The following PLEKHA5 variants were observed in gnomAD, a reference collection of about 807,000 sequenced individuals.
The protein encoded by PLEKHA5 is pleckstrin homology domain containing A5.
Under a neutral mutation model 181.9 loss-of-function variants are expected in PLEKHA5, and 55 were observed. The ratio of observed to expected loss-of-function variants is 0.30; its 90% confidence interval spans 0.24 to 0.38. PLEKHA5 has a LOEUF of 0.38. PLEKHA5 is among the 10% of genes least tolerant of loss of function. PLEKHA5 has a pLI of 1.00. For missense variants in PLEKHA5, 1,432 were observed against 1,549.5 expected, an observed-to-expected ratio of 0.92 and a Z score of 1.27; for synonymous variants, 535 against 529.4, an observed-to-expected ratio of 1.01 and a Z score of -0.15.
chr12:19,318,562 C>T (rs2089771598), intron 16 of PLEKHA5, among the ~76,000 whole-genome samples: 1 of 152,042 alleles, frequency 6.6e-6, no homozygotes, highest in South Asian at 2.1e-4. Context: ...CTAGATGAAA[C>T]ACTGTCTGCT....
intron 5 of PLEKHA5, 134 bp from the exon 6 acceptor site, chr12:19,257,299 A>G (rs2067134522): frequency 1.9e-6 from 1 of 530,624 alleles, no homozygotes; most frequent in Non-Finnish European, 3.3e-6. Flanking sequence ...TAGAATTTTA[A>G]TAATTTTTCT....
chr12:19,355,587 G>A (rs565809190), intron 26 of PLEKHA5, among the ~76,000 whole-genome samples: 1 of 151,252 alleles, frequency 6.6e-6, no homozygotes, highest in East Asian at 2.0e-4. Flanking sequence ...GTTCTTCAAA[G>A]ATATTAAAGT....
chr12:19,278,303 A>C, intron 11 of PLEKHA5, among the ~76,000 whole-genome samples: 1 of 152,182 alleles, frequency 6.6e-6, no homozygotes, highest in East Asian at 1.9e-4. Context: ...TCTCTACAAC[A>C]GGGTCCAACC....
intron 3 of PLEKHA5, among the ~76,000 whole-genome samples, chr12:19,155,712 T>C (rs1384610766): frequency 6.6e-6 from 1 of 152,232 alleles, no homozygotes; most frequent in Non-Finnish European, 1.5e-5. Context: ...GTGACAAGGT[T>C]CTTACTATAG....
At chr12:19,272,208 C>A (rs1280746973) in intron 10 of PLEKHA5, among the ~76,000 whole-genome samples, 1 of 152,080 alleles carries the variant, frequency 6.6e-6, no homozygotes, top group Non-Finnish European at 1.5e-5. Flanking sequence ...GAATAATTTT[C>A]ATCTCTAAGC....
At chr12:19,329,539 G>A (rs1470234375) in intron 20 of PLEKHA5, among the ~76,000 whole-genome samples, 2 of 152,022 alleles carry the variant, frequency 1.3e-5, no homozygotes, top group Admixed American at 6.6e-5. Context: ...AAGTGTTTCA[G>A]TTTCTTCCTG....
At chr12:19,165,268 A>T in intron 3 of PLEKHA5, among the ~76,000 whole-genome samples, 1 of 152,154 alleles carries the variant, frequency 6.6e-6, no homozygotes, top group Middle Eastern at 3.2e-3. Flanking sequence ...TAGTCTATAA[A>T]TGGCTTTGTA....
chr12:19,352,340 G>A (rs563142294), intron 25 of PLEKHA5, among the ~76,000 whole-genome samples: 2 of 151,020 alleles, frequency 1.3e-5, no homozygotes, highest in South Asian at 2.1e-4. Context: ...AGCCGAGATC[G>A]TGCCATTGTA....
In PLEKHA5 at chr12:19,320,558, A is replaced by T. The variant is rs191000741; in HGVS notation, c.2155-4A>T. On this transcript the variant is annotated splice_region_variant and splice_polypyrimidine_tract_variant and intron_variant, in intron 17 of 31. Coordinates refer to ENST00000429027, the MANE Select transcript of PLEKHA5 (RefSeq NM_001256470.2). ...TAAGTTGCTATATGATTTTTTTCTT[A>T]TAGCTGTCACAAGATGAAGGTAGAG... 1.4e-6 allele frequency: 2 copies of T among 1,445,516 alleles called. No individual in the cohort carries two copies. The highest frequency in any genetic ancestry group is 1.8e-5 in the Admixed American group (1 of 54,758). The allele number at this position is 1,445,516 out of a possible 1,614,324, so 89.5% of individuals were successfully genotyped here. A position where few individuals can be genotyped will look rare whatever the true frequency, so the allele number is the denominator to read the frequency against.
intron 3 of PLEKHA5, among the ~76,000 whole-genome samples, chr12:19,236,768 G>A (rs2061467449): frequency 6.6e-6 from 1 of 152,124 alleles, no homozygotes; most frequent in African/African-American, 2.4e-5. Context: ...ATGGCTGGAA[G>A]GCATGCATAA....
chr12:19,161,243 AGAAAAT>A (rs2042895756), intron 3 of PLEKHA5, among the ~76,000 whole-genome samples: 1 of 152,156 alleles, frequency 6.6e-6, no homozygotes, highest in Non-Finnish European at 1.5e-5. Flanking sequence ...TTAAAGGAAG[AGAAAAT>A]GAAATGTGCC....
At chr12:19,290,136 G>A (rs1201209715) in intron 13 of PLEKHA5, among the ~76,000 whole-genome samples, 1 of 151,646 alleles carries the variant, frequency 6.6e-6, no homozygotes, top group African/African-American at 2.4e-5. Flanking sequence ...AGTAGAGGCA[G>A]GGCTCAGGCT....
intron 3 of PLEKHA5, among the ~76,000 whole-genome samples, chr12:19,219,854 G>T (rs2058657431): frequency 6.6e-6 from 1 of 151,912 alleles, no homozygotes; most frequent in Non-Finnish European, 1.5e-5. Flanking sequence ...TAAAAAGTAG[G>T]AACAATAGAA....
chr12:19,359,822 C>T (rs555627100), intron 28 of PLEKHA5, among the ~76,000 whole-genome samples: 166 of 151,602 alleles, frequency 1.1e-3, no homozygotes, highest in African/African-American at 3.7e-3. Flanking sequence ...AAAAATTAGC[C>T]GGGCTTGGTG....
At chr12:19,243,860 A>G (rs948116566) in intron 3 of PLEKHA5, among the ~76,000 whole-genome samples, 1 of 152,232 alleles carries the variant, frequency 6.6e-6, no homozygotes. Flanking sequence ...AAGAAAGGCA[A>G]AGCACTTTTA....
At chr12:19,150,798 C>T (rs1250368671) in intron 3 of PLEKHA5, 1 of 152,108 alleles carries the variant, frequency 6.6e-6, no homozygotes, top group Non-Finnish European at 1.5e-5. Flanking sequence ...AAGCTTGAAG[C>T]CACAAAGGGT....
chr12:19,322,711 T>C (rs377218735), intron 20 of PLEKHA5, 44 bp downstream of exon 20: 9 of 1,409,872 alleles, frequency 6.4e-6, no homozygotes, highest in African/African-American at 1.4e-5. Flanking sequence ...AGCTTAAATA[T>C]GTAGTTCTAT....
chr12:19,156,695 G>GA (rs771373896), intron 3 of PLEKHA5, among the ~76,000 whole-genome samples: 10 of 151,678 alleles, frequency 6.6e-5, no homozygotes, highest in Non-Finnish European at 1.2e-4. Flanking sequence ...TACAGAACAT[G>GA]AAAAAATGCA....
chr12:19,270,242 AGATT>A (rs1565545119), intron 10 of PLEKHA5, 37 bp downstream of exon 10: 1 of 1,198,036 alleles, frequency 8.3e-7, no homozygotes, highest in Non-Finnish European at 1.1e-6. Flanking sequence ...AAAGCTACAC[AGATT>A]TTTATCCTTT....
Sources: allele counts gnomAD v4.1 joint callset (sites outside exome capture counted in the v4.1 genomes callset), GRCh38; gene constraint gnomAD v4.1.1; transcripts MANE v1.5; gene names NCBI Gene and HGNC (gene_info 2026-07-23, HGNC 2026-07-21).